Variants in WDR11 observed in about 807,000 individuals in gnomAD.
WDR11 encodes WD repeat-containing protein 11.
WDR11 carries 83 observed loss-of-function variants against 151.2 expected under a neutral mutation model. The ratio of observed to expected loss-of-function variants is 0.55; its 90% CI spans 0.46 to 0.66. The LOEUF (loss-of-function observed/expected upper bound fraction) is 0.66. Ranked by LOEUF, WDR11 falls within the 30% of genes least tolerant of loss-of-function variation. WDR11 has a pLI of 0.00. For synonymous variants in WDR11, 484 were observed against 533.1 expected (o/e 0.91, Z 1.27); for missense variants, 1,301 against 1,480.9 (o/e 0.88, Z 1.99).
rs1450206690 is a variant in WDR11 at position 120,909,279 on chromosome 10, G to A, written c.*566G>A. ...GCAGTTGCTAAGTTTTGTAATTTTA[G>A]GCTCAGAGGACCATAGGAGGTTTTA... is the stretch of plus-strand genomic sequence containing the variant. On this transcript the variant is annotated 3_prime_UTR_variant, in exon 29 of 29. Transcript: ENST00000263461. The A allele has an allele frequency of 6.4e-6, 1 of 155,404 alleles. No individual in the cohort carries two copies. Among genetic ancestry groups the A allele is most frequent in the African/African-American group, 2.4e-5 (1 of 41,434 alleles). The allele number at this position is 155,404 out of a possible 1,614,324, so 9.6% of individuals were successfully genotyped here. A position where few individuals can be genotyped will look rare whatever the true frequency, so the allele number is the denominator to read the frequency against.
At chr10:120,895,875 C>T (rs565176186) in intron 19 of WDR11, among the ~76,000 whole-genome samples, 9 of 152,274 alleles carry the variant, frequency 5.9e-5, no homozygotes, top group Non-Finnish European at 8.8e-5. Flanking sequence ...TCATCCATTG[C>T]TAACAGTAAG....
chr10:120,899,084 GC>G (rs1847716403), intron 19 of WDR11, among the ~76,000 whole-genome samples: 1 of 152,154 alleles, frequency 6.6e-6, no homozygotes, highest in Non-Finnish European at 1.5e-5. Flanking sequence ...GAGCAGAGCT[GC>G]TGGGCATTGC....
chr10:120,877,616 CAAAA>C lies in WDR11; in HGVS notation c.1557-734_1557-731del, dbSNP rs537452219. Among the ~76,000 whole-genome samples the C allele has an allele frequency of 2.8e-4, 42 of 151,838 alleles. No individual in the cohort carries two copies. In the East Asian group the frequency reaches 7.7e-3, roughly 28 times the overall value. The stretch of plus-strand genomic sequence containing the variant: ...CTTGGGTGACAGTGAGACCCTGTCT[CAAAA>C]AACACAAAACAAAACAAAACAAAAC... On this transcript the variant is annotated intron_variant, in intron 11 of 28. Coordinates refer to ENST00000263461, the MANE Select transcript of WDR11 (RefSeq NM_018117.12).
At position 120,900,089 on chromosome 10, in the gene WDR11, TA is replaced by T. The variant is rs1194281783; in HGVS notation, c.2577del (p.Leu859PhefsTer25). The T allele has an allele frequency of 6.2e-7, 1 of 1,614,064 alleles. No homozygotes were observed. Among genetic ancestry groups the T allele is most frequent in the Non-Finnish European group, 8.5e-7 (1 of 1,180,006 alleles). ...PRASLALKAF[L>X]LHQPWNGQYS... ...GCCTCTCTTGCCTTGAAAGCCTTCT[TA>T]TTACACCAGCCTTGGAATGGACAGT... On this transcript the variant is annotated frameshift_variant, in exon 20 of 29. Transcript: ENST00000263461. LOFTEE classifies it high-confidence loss of function.
At chr10:120,906,333 C>G (rs748825075) in intron 27 of WDR11, 276 of 1,272,752 alleles carry the variant, frequency 2.2e-4, no homozygotes, top group Non-Finnish European at 2.7e-4. Flanking sequence ...AGAGGAGGCC[C>G]AGAGAGCAGG....
intron 2 of WDR11, among the ~76,000 whole-genome samples, chr10:120,857,734 A>G (rs1845999541): frequency 1.3e-5 from 2 of 152,168 alleles, no homozygotes; most frequent in African/African-American, 2.4e-5. Flanking sequence ...ATATATAGGT[A>G]TATACATTTA....
rs772568050 is a variant in WDR11, at chr10:120,908,647, C to T, written c.3609C>T (p.Ala1203=). 1.2e-5 allele frequency: 19 copies of T among 1,614,016 alleles called. No homozygotes were observed. Among genetic ancestry groups the T allele is most frequent in the African/African-American group, 2.7e-5 (2 of 74,906 alleles). ...GAGCAGTTCTCTTTGCTTCAAAAGC[C>T]GGAGCAGCTGGCAAAGACTTATTGA... ...KQGAVLFASK[A]GAAGKDLLNE... The change falls in exon 29 of 29, where the codon GCC becomes GCT. Residue 1203 remains alanine, a synonymous_variant. Transcript: ENST00000263461.
chr10:120,905,676 C>A, intron 26 of WDR11, 200 bp from the exon 27 acceptor site: 1 of 979,920 alleles, frequency 1.0e-6, no homozygotes, highest in Non-Finnish European at 1.5e-6. Context: ...AACTACAGTC[C>A]AGAGGTATAG....
Position 120,903,041 on chromosome 10 carries a change from T to C in WDR11, c.2754-14T>C, listed in dbSNP as rs1305960817. 1 of 1,613,396 alleles carries C rather than the reference T, an allele frequency of 6.2e-7. No individual in the cohort carries two copies. The highest frequency in any genetic ancestry group is 8.5e-7 in the Non-Finnish European group (1 of 1,179,994). Reference sequence around the variant, plus strand: ...GTGCTGAGTGCAGTCAAAACTTTGCTTCATCCTTGCCAGGCTCTATGGTGA... The same window carrying C: ...GTGCTGAGTGCAGTCAAAACTTTGCCTCATCCTTGCCAGGCTCTATGGTGA... On this transcript the variant is annotated splice_polypyrimidine_tract_variant and intron_variant, in intron 22 of 28. Coordinates refer to ENST00000263461, the MANE Select transcript of WDR11 (RefSeq NM_018117.12).
intron 19 of WDR11, chr10:120,899,792 AT>A (rs1847746858): frequency 1.8e-6 from 1 of 550,912 alleles, no homozygotes; most frequent in African/African-American, 1.9e-5. Context: ...CAAAAAAAAA[AT>A]AAAATAAAAA....
intron 28 of WDR11, chr10:120,908,263 T>C (rs1848144502): frequency 1.0e-5 from 2 of 194,246 alleles, no homozygotes; most frequent in South Asian, 7.6e-5. Context: ...CAATCTTCAG[T>C]TGAGTGTAGG....
intron 17 of WDR11, 68 bp downstream of exon 17, chr10:120,889,252 T>C: frequency 1.6e-6 from 2 of 1,276,070 alleles, no homozygotes; most frequent in East Asian, 4.7e-5. Context: ...TGTTTTGTTT[T>C]GTTGAGATGG....
At chr10:120,859,970 C>T in intron 3 of WDR11, 139 bp from the exon 4 acceptor site, 2 of 879,076 alleles carry the variant, frequency 2.3e-6, no homozygotes, top group Non-Finnish European at 3.7e-6. Flanking sequence ...CACACACACA[C>T]ACACACACGT....
intron 23 of WDR11, 133 bp downstream of exon 23, chr10:120,903,365 C>A: frequency 8.6e-7 from 1 of 1,169,582 alleles, no homozygotes; most frequent in Non-Finnish European, 1.2e-6. Flanking sequence ...TGAAAATTAG[C>A]TGGGTGTGGT....
rs1847374494 is a variant in WDR11 at position 120,890,068 on chromosome 10, T to G, written c.2343+59T>G. ...AATTGTTAGCCATAGGAACTGTGCT[T>G]TGTTAAAAAACTTCTTTCTGATTTA... On this transcript the variant is annotated intron_variant, in intron 18 of 28. Transcript: ENST00000263461. 8.8e-6 allele frequency: 11 copies of G among 1,252,582 alleles called. No individual in the cohort carries two copies. In the South Asian group the frequency reaches 1.4e-4, roughly 16 times the overall value. 77.6% of individuals were successfully genotyped at this position (1,252,582 alleles called of 1,614,324 possible).
At chr10:120,867,291 T>C in intron 9 of WDR11, 122 bp downstream of exon 9, 1 of 751,886 alleles carries the variant, frequency 1.3e-6, no homozygotes, top group East Asian at 2.7e-5. Context: ...AACTAGAACA[T>C]GGAATCATTC....
intron 10 of WDR11, among the ~76,000 whole-genome samples, chr10:120,871,989 T>G (rs182052106): frequency 6.6e-6 from 1 of 152,246 alleles, no homozygotes; most frequent in African/African-American, 2.4e-5. Context: ...GTACACATTA[T>G]TAAAATACAT....
At chr10:120,886,881 T>C in intron 16 of WDR11, 45 bp downstream of exon 16, 1 of 1,610,336 alleles carries the variant, frequency 6.2e-7, no homozygotes, top group Non-Finnish European at 8.5e-7. Flanking sequence ...GATTTTGTTT[T>C]GTTGGTTCCA....
intron 1 of WDR11, chr10:120,852,159 A>G: frequency 6.6e-6 from 2 of 303,346 alleles, no homozygotes; most frequent in Non-Finnish European, 1.3e-5. Context: ...AGTTGGAAGG[A>G]CTAGGATTAG....
Sources: gnomAD v4.1 joint callset for allele counts (sites outside exome capture counted in the v4.1 genomes callset) on GRCh38, gnomAD v4.1.1 for gene constraint, MANE v1.5 for transcripts, NCBI Gene and HGNC (gene_info 2026-07-23, HGNC 2026-07-21) for gene names.